ONECUT3: variants seen among roughly 807,000 people sequenced by gnomAD.
ONECUT3 encodes one cut domain family member 3.
Under a neutral mutation model 16.8 loss-of-function variants are expected in ONECUT3, and 11 were observed. The observed-to-expected ratio is 0.66, with a 90% confidence interval of 0.41 to 1.09. The LOEUF is 1.09. ONECUT3 is among the 50% of genes least tolerant of loss of function. The probability of loss-of-function intolerance (pLI) is 0.00; values close to 1 mark genes in which losing one functional copy is unlikely to be tolerated. For synonymous variants in ONECUT3, 344 were observed against 310.7 expected (o/e 1.11, Z -1.13); for missense variants, 637 against 629.9 (o/e 1.01, Z -0.12).
chr19:1,773,145 A>T (rs933646049), intron 1 of ONECUT3, among the ~76,000 whole-genome samples: 6 of 151,910 alleles, frequency 3.9e-5, no homozygotes, highest in African/African-American at 1.5e-4. Flanking sequence ...CATGGATACG[A>T]TATTTTTCTC....
intron 1 of ONECUT3, among the ~76,000 whole-genome samples, chr19:1,768,908 G>GAGGTGA (rs1338730296): frequency 2.6e-5 from 3 of 115,534 alleles, no homozygotes; most frequent in East Asian, 2.9e-4. Flanking sequence ...GGAGGTGGTG[G>GAGGTGA]AGGTGGAGGT....
At chr19:1,768,502 C>A (rs1052547010) in intron 1 of ONECUT3, among the ~76,000 whole-genome samples, 1 of 152,130 alleles carries the variant, frequency 6.6e-6, no homozygotes, top group African/African-American at 2.4e-5. Context: ...GGGACTGAGG[C>A]CTCCAAGGGA....
chr19:1,757,432 G>A (rs2067922300), intron 1 of ONECUT3, among the ~76,000 whole-genome samples: 1 of 152,228 alleles, frequency 6.6e-6, no homozygotes, highest in South Asian at 2.1e-4. Flanking sequence ...TCTCAGGGGT[G>A]CGTGGGGGAA....
chr19:1,775,115 G>A (rs949354932), intron 1 of ONECUT3, 38 bp from the exon 2 acceptor site: 1 of 1,311,982 alleles, frequency 7.6e-7, no homozygotes, highest in Non-Finnish European at 1.0e-6. Flanking sequence ...CGGTGGCGCT[G>A]TGTCCCGCTC....
At position 1,755,894 on chromosome 19, in the gene ONECUT3, G is replaced by T. The variant is rs2067913904; in HGVS notation, c.1192+1040G>T. Among the ~76,000 whole-genome samples the T allele has an allele frequency of 6.6e-6, 1 of 152,168 alleles. No homozygotes were observed. The highest frequency in any genetic ancestry group is 2.4e-5 in the African/African-American group (1 of 41,434). ...ATTTCCTAGGTGGGGGTGTAAGGGT[G>T]CAGGAGGGCCCCTGGCCTAGGTGGG... is the stretch of plus-strand genomic sequence containing the variant. On this transcript the variant is annotated intron_variant, in intron 1 of 1. Coordinates refer to ENST00000382349, the MANE Select transcript of ONECUT3 (RefSeq NM_001080488.2). The surrounding 1 kb of genome is among the most constrained non-coding windows in gnomAD (Gnocchi z 7.5).
intron 1 of ONECUT3, among the ~76,000 whole-genome samples, chr19:1,760,833 A>G (rs1430149332): frequency 6.6e-6 from 1 of 151,956 alleles, no homozygotes; most frequent in East Asian, 1.9e-4. Flanking sequence ...AGTCTGGGGG[A>G]GTCTCTTGAG....
intron 1 of ONECUT3, among the ~76,000 whole-genome samples, chr19:1,772,686 C>CTTT (rs201848533): frequency 0.022 from 1,386 of 63,900 alleles, 12 homozygotes; most frequent in Non-Finnish European, 0.024. Flanking sequence ...CTGCTTTACT[C>CTTT]TTTTTTTTTT....
rs1229021616 is a variant in ONECUT3 at position 1,758,287 on chromosome 19, GA to G, written c.1192+3434del. 7.8e-6 allele frequency among the ~76,000 whole-genome samples: 1 copy of G among 128,254 alleles called. No individual in the cohort carries two copies. The highest frequency in any genetic ancestry group is 1.6e-5 in the Non-Finnish European group (1 of 61,046). The allele number at this position is 128,254 out of a possible 152,430, so 84.1% of individuals were successfully genotyped here. A position where few individuals can be genotyped will look rare whatever the true frequency, so the allele number is the denominator to read the frequency against. The stretch of plus-strand genomic sequence containing the variant: ...CAGAGGTGAAGGAGAGACGAAAAGA[GA>G]GGCAGAGAGACCAAAAAAAAAAAAA... On this transcript the variant is annotated intron_variant, in intron 1 of 1. Transcript: ENST00000382349. The surrounding 1 kb of genome is among the most constrained non-coding windows in gnomAD (Gnocchi z 5.9).
At chr19:1,763,415 G>C (rs2067958223) in intron 1 of ONECUT3, among the ~76,000 whole-genome samples, 1 of 132,598 alleles carries the variant, frequency 7.5e-6, no homozygotes, top group South Asian at 2.5e-4. Context: ...ATGTGGTGGT[G>C]TACATCTGTG....
At position 1,754,286 on chromosome 19, in the gene ONECUT3, C is replaced by T. The variant is rs1295740531; in HGVS notation, c.624C>T (p.Pro208=). ...CGCCGCTGCCCAACGCGCTGCCGCC[C>T]GCGCTGCACGGCGCCCCGCAGCCCC... The part of the protein sequence containing the change: ...PLSPLPNALP[P]ALHGAPQPPP... Residue 208 remains proline, a synonymous_variant, in exon 1 of 2, where the codon CCC becomes CCT. Transcript: ENST00000382349. This position sits in a 1 kb window ranked among gnomAD's most constrained non-coding sequence, Gnocchi z 7.4. 1 of 1,055,740 alleles carries T rather than the reference C, an allele frequency of 9.5e-7. No individual in the cohort carries two copies. Among genetic ancestry groups the T allele is most frequent in the Non-Finnish European group, 1.1e-6 (1 of 880,186 alleles). The allele number at this position is 1,055,740 out of a possible 1,614,324, so 65.4% of individuals were successfully genotyped here.
At chr19:1,765,537 C>T (rs937202878) in intron 1 of ONECUT3, among the ~76,000 whole-genome samples, 7 of 152,212 alleles carry the variant, frequency 4.6e-5, no homozygotes, top group South Asian at 2.1e-4. Flanking sequence ...CGCCGCTTCA[C>T]GCTGTCCTGT....
chr19:1,757,524 C>A (rs866058910), intron 1 of ONECUT3, among the ~76,000 whole-genome samples: 2 of 152,184 alleles, frequency 1.3e-5, no homozygotes, highest in African/African-American at 2.4e-5. Context: ...CCGGACCACG[C>A]TGCCCGCCTG....
rs527408880 is a variant in ONECUT3, at chr19:1,759,596, T to C, written c.1192+4742T>C. Among the ~76,000 whole-genome samples, 2 of 152,234 alleles carry C rather than the reference T, an allele frequency of 1.3e-5. No homozygotes were observed. Among genetic ancestry groups the C allele is most frequent in the Non-Finnish European group, 2.9e-5 (2 of 68,010 alleles). ...TCCACTGCAAGGGGTCCACGCCTCT[T>C]ACGGACACCCCCAGAAAAATATGCC... On this transcript the variant is annotated intron_variant, in intron 1 of 1. Coordinates refer to ENST00000382349, the MANE Select transcript of ONECUT3 (RefSeq NM_001080488.2). This position sits in a 1 kb window ranked among gnomAD's most constrained non-coding sequence, Gnocchi z 4.1.
At chr19:1,760,777 C>T (rs2067942552) in intron 1 of ONECUT3, among the ~76,000 whole-genome samples, 1 of 152,142 alleles carries the variant, frequency 6.6e-6, no homozygotes, top group African/African-American at 2.4e-5. Context: ...CCAATAATTC[C>T]TTTCTGTAGC....
rs2067911026 is a variant in ONECUT3, at chr19:1,755,334, C to T, written c.1192+480C>T. On this transcript the variant is annotated intron_variant, in intron 1 of 1. Transcript: ENST00000382349. This position sits in a 1 kb window ranked among gnomAD's most constrained non-coding sequence, Gnocchi z 7.5. ...CCCCCAGCCCCGGGCCACAGAGCTC[C>T]GAGACGTTGCGGCGGGCGCCTGCAG... Among the ~76,000 whole-genome samples the T allele has an allele frequency of 6.6e-6, 1 of 152,042 alleles. No individual in the cohort carries two copies. The highest frequency in any genetic ancestry group is 1.5e-5 in the Non-Finnish European group (1 of 67,980).
chr19:1,763,468 C>T (rs1190239185), intron 1 of ONECUT3, among the ~76,000 whole-genome samples: 1 of 148,738 alleles, frequency 6.7e-6, no homozygotes, highest in African/African-American at 2.5e-5. Flanking sequence ...ATCTCTTGAG[C>T]AAGGGAGGTC....
In ONECUT3 at chr19:1,758,775, C is replaced by A. The variant is rs1239830691; in HGVS notation, c.1192+3921C>A. On this transcript the variant is annotated intron_variant, in intron 1 of 1. Transcript: ENST00000382349. This position sits in a 1 kb window ranked among gnomAD's most constrained non-coding sequence, Gnocchi z 5.9. ...TATGGGAGAGGGGCTGGGGGAGGGG[C>A]GGGCGGGCTCCTCGGCGGGGGTGGG... Among the ~76,000 whole-genome samples the A allele has an allele frequency of 9.3e-5, 11 of 118,546 alleles. No homozygotes were observed. Among genetic ancestry groups the A allele is most frequent in the Non-Finnish European group, 2.1e-4 (11 of 53,150 alleles). 77.8% of individuals were successfully genotyped at this position (118,546 alleles called of 152,430 possible). A position where few individuals can be genotyped will look rare whatever the true frequency, so the allele number is the denominator to read the frequency against.
In ONECUT3 at chr19:1,766,308, G is replaced by A. The variant is rs60474593; in HGVS notation, c.1193-8845G>A. The stretch of plus-strand genomic sequence containing the variant: ...GGAGGCTGGCACCCTCAGCCCGCAC[G>A]CGGCCAACGTCAGGCGCGCGCAGAG... On this transcript the variant is annotated intron_variant, in intron 1 of 1. Transcript: ENST00000382349. This position sits in a 1 kb window ranked among gnomAD's most constrained non-coding sequence, Gnocchi z 4.0. 0.36 allele frequency among the ~76,000 whole-genome samples: 54,019 copies of A among 152,008 alleles called. 9,908 individuals are homozygous for A. Among genetic ancestry groups the A allele is most frequent in the Middle Eastern group, 0.49 (144 of 294 alleles).
Position 1,754,575 on chromosome 19 carries a change from C to T in ONECUT3, c.913C>T (p.Pro305Ser). 3.3e-6 allele frequency: 4 copies of T among 1,207,664 alleles called. No homozygotes were observed. The highest frequency in any genetic ancestry group is 4.2e-6 in the Non-Finnish European group (4 of 963,572). The allele number at this position is 1,207,664 out of a possible 1,614,324, so 74.8% of individuals were successfully genotyped here. A position where few individuals can be genotyped will look rare whatever the true frequency, so the allele number is the denominator to read the frequency against. Residue 305 changes from proline (P) to serine (S), a missense_variant, in exon 1 of 2, where the codon CCC (proline) becomes TCC (serine). Coordinates refer to ENST00000382349, the MANE Select transcript of ONECUT3 (RefSeq NM_001080488.2). The surrounding 1 kb of genome is among the most constrained non-coding windows in gnomAD (Gnocchi z 7.4). ...CGGGCCGCACGGGGGAGGCGGCGGC[C>T]CCGGCGGGAGCGGCGGCGGCCCCAG... is the stretch of plus-strand genomic sequence containing the variant. ...AHGPHGGGGG[P>S]GGSGGGPSAG...
Sources: gnomAD v4.1 joint callset for allele counts (sites outside exome capture counted in the v4.1 genomes callset) on GRCh38, gnomAD v4.1.1 for gene constraint, Gnocchi (gnomAD v3.1) non-coding constraint, MANE v1.5 for transcripts, NCBI Gene and HGNC (gene_info 2026-07-23, HGNC 2026-07-21) for gene names.